ZHX3: variants seen among roughly 807,000 people sequenced by gnomAD.
ZHX3 encodes zinc fingers and homeoboxes protein 3.
Under a neutral mutation model 64.5 loss-of-function variants are expected in ZHX3, and 20 were observed. The observed-to-expected ratio is 0.31, with a 90% confidence interval of 0.22 to 0.45. The LOEUF is 0.45. Ranked by LOEUF, ZHX3 falls within the 20% of genes least tolerant of loss-of-function variation. ZHX3 has a pLI of 1.00. For missense variants in ZHX3, 1,041 were observed against 1,195.8 expected (o/e 0.87, Z 1.91); for synonymous variants, 423 against 461.6 (o/e 0.92, Z 1.07).
chr20:41,281,746 T>G (rs543268596), intron 1 of ZHX3, among the ~76,000 whole-genome samples: 41 of 152,212 alleles, frequency 2.7e-4, no homozygotes, highest in African/African-American at 9.7e-4. Context: ...ATGTCACATA[T>G]CACCTTGCAA....
rs1352342886 is a variant in ZHX3 at position 41,181,522 on chromosome 20, G to A, written c.*3669C>T. Reference sequence around the variant, plus strand: ...TGAACTGAAAAAGCTGCACCAATCTGAGGATATTGGTCCAAAAAGAGACAA... The same window carrying A: ...TGAACTGAAAAAGCTGCACCAATCTAAGGATATTGGTCCAAAAAGAGACAA... On this transcript the variant is annotated 3_prime_UTR_variant, in exon 4 of 4. Transcript: ENST00000683867. 1 of 152,148 alleles carries A rather than the reference G, an allele frequency of 6.6e-6. No individual in the cohort carries two copies. Among genetic ancestry groups the A allele is most frequent in the South Asian group, 2.1e-4 (1 of 4,828 alleles). The allele number at this position is 152,148 out of a possible 1,614,324, so 9.4% of individuals were successfully genotyped here. A position where few individuals can be genotyped will look rare whatever the true frequency, so the allele number is the denominator to read the frequency against.
Position 41,310,417 on chromosome 20 carries a change from T to C in ZHX3, c.-245+7092A>G, listed in dbSNP as rs976534469. Among the ~76,000 whole-genome samples, 4 of 152,174 alleles carry C rather than the reference T, an allele frequency of 2.6e-5. No homozygotes were observed. In the South Asian group the frequency reaches 8.3e-4, roughly 32 times the overall value. ...ACAGAGATGATAACCACCACCAGAC[T>C]TGGCACTTGCTCATAAGGCATCCCA... On this transcript the variant is annotated intron_variant, in intron 1 of 3. Transcript: ENST00000683867.
chr20:41,183,923 G>A lies in ZHX3; in HGVS notation c.*1268C>T, dbSNP rs2036334204. The A allele has an allele frequency of 6.6e-6, 1 of 152,240 alleles. No individual in the cohort carries two copies. The highest frequency in any genetic ancestry group is 1.5e-5 in the Non-Finnish European group (1 of 68,054). The allele number at this position is 152,240 out of a possible 1,614,324, so 9.4% of individuals were successfully genotyped here. Reference sequence around the variant, plus strand: ...GACATGAGGGTTAGGCTAAAGTAGAGTTCTTGTTTCCAAGTTTGGGGACAT... The same window carrying A: ...GACATGAGGGTTAGGCTAAAGTAGAATTCTTGTTTCCAAGTTTGGGGACAT... On this transcript the variant is annotated 3_prime_UTR_variant, in exon 4 of 4. Coordinates refer to ENST00000683867, the MANE Select transcript of ZHX3 (RefSeq NM_001384317.1). The surrounding 1 kb of genome is among the most constrained non-coding windows in gnomAD (Gnocchi z 5.3).
At position 41,212,213 on chromosome 20, in the gene ZHX3, G is replaced by A. The variant is rs1425436575; in HGVS notation, c.-150-7147C>T. On this transcript the variant is annotated intron_variant, in intron 2 of 3. Coordinates refer to ENST00000683867, the MANE Select transcript of ZHX3 (RefSeq NM_001384317.1). This position sits in a 1 kb window ranked among gnomAD's most constrained non-coding sequence, Gnocchi z 4.3. ...AACCATAGAAAGATAATTTTTAAAC[G>A]GGTAAAGGATTTGAATAGACACTTC... 6.6e-6 allele frequency among the ~76,000 whole-genome samples: 1 copy of A among 151,986 alleles called. No homozygotes were observed. The highest frequency in any genetic ancestry group is 2.1e-4 in the South Asian group (1 of 4,806).
chr20:41,294,130 G>A (rs2044384362), intron 1 of ZHX3, among the ~76,000 whole-genome samples: 1 of 152,218 alleles, frequency 6.6e-6, no homozygotes. Flanking sequence ...CTCCCAGGGA[G>A]TAGTAGCTCA....
intron 1 of ZHX3, among the ~76,000 whole-genome samples, chr20:41,302,576 C>G (rs2044855621): frequency 6.6e-6 from 1 of 152,236 alleles, no homozygotes; most frequent in Non-Finnish European, 1.5e-5. Flanking sequence ...CAAATAAACA[C>G]CCACACACAC....
chr20:41,289,744 C>T (rs538870199), intron 1 of ZHX3, among the ~76,000 whole-genome samples: 130 of 148,012 alleles, frequency 8.8e-4, no homozygotes, highest in African/African-American at 3.2e-3. Flanking sequence ...AGCTCTCTGG[C>T]CCCTAGATTA....
chr20:41,229,774 G>T (rs1260755876), intron 2 of ZHX3, among the ~76,000 whole-genome samples: 1 of 151,850 alleles, frequency 6.6e-6, no homozygotes, highest in African/African-American at 2.4e-5. Context: ...GTTTTTGTTG[G>T]GTTGTAGAAA....
intron 2 of ZHX3, chr20:41,213,925 A>C (rs549561167): frequency 7.2e-5 from 11 of 152,304 alleles, no homozygotes; most frequent in Admixed American, 5.2e-4. Flanking sequence ...ATTGTAAAAA[A>C]TTAGTCAGGA....
intron 3 of ZHX3, among the ~76,000 whole-genome samples, chr20:41,198,152 CA>C (rs1204784847): frequency 6.6e-6 from 1 of 151,934 alleles, no homozygotes; most frequent in African/African-American, 2.4e-5. Flanking sequence ...TTAGCACCAC[CA>C]GGCCCAGCTA....
intron 2 of ZHX3, among the ~76,000 whole-genome samples, chr20:41,252,409 G>A (rs1350319533): frequency 6.6e-6 from 1 of 152,160 alleles, no homozygotes; most frequent in Non-Finnish European, 1.5e-5. Context: ...GCTAGTTCCT[G>A]TGTTTTCTTA....
rs2040299838 is a variant in ZHX3, at chr20:41,226,782, A to G, written c.-150-21716T>C. Among the ~76,000 whole-genome samples, 1 of 152,166 alleles carries G rather than the reference A, an allele frequency of 6.6e-6. No individual in the cohort carries two copies. Among genetic ancestry groups the G allele is most frequent in the African/African-American group, 2.4e-5 (1 of 41,440 alleles). ...TTGTCCAAAAGGGAAGGAAGCTATT[A>G]TACCTTTCCTATCCCTTTCTGTTGG... is the stretch of plus-strand genomic sequence containing the variant. On this transcript the variant is annotated intron_variant, in intron 2 of 3. Transcript: ENST00000683867. This position sits in a 1 kb window ranked among gnomAD's most constrained non-coding sequence, Gnocchi z 4.4.
rs558647755 is a variant in ZHX3 at position 41,212,456 on chromosome 20, T to C, written c.-150-7390A>G. Among the ~76,000 whole-genome samples, 10 of 152,246 alleles carry C rather than the reference T, an allele frequency of 6.6e-5. No individual in the cohort carries two copies. The South Asian group carries it at 2.1e-3, about 32-fold the overall frequency. On this transcript the variant is annotated intron_variant, in intron 2 of 3. Transcript: ENST00000683867. This position sits in a 1 kb window ranked among gnomAD's most constrained non-coding sequence, Gnocchi z 4.3. ...AAAATGTAAAATGGTATAGCCACTT[T>C]GGAAAACTGTTTGGCAAACAAAATG...
chr20:41,268,260 A>G (rs1391010155), intron 2 of ZHX3, among the ~76,000 whole-genome samples: 1 of 152,194 alleles, frequency 6.6e-6, no homozygotes, highest in Non-Finnish European at 1.5e-5. Flanking sequence ...AGCTTACTGG[A>G]CAAAGTTTCT....
At chr20:41,193,142 C>A (rs1361648078) in intron 3 of ZHX3, among the ~76,000 whole-genome samples, 4 of 152,142 alleles carry the variant, frequency 2.6e-5, no homozygotes, top group East Asian at 1.9e-4. Flanking sequence ...GAGGCGAGTA[C>A]AAAATGCCTC....
Position 41,228,998 on chromosome 20 carries a change from C to T in ZHX3, c.-150-23932G>A, listed in dbSNP as rs564759829. Among the ~76,000 whole-genome samples the T allele has an allele frequency of 1.3e-5, 2 of 152,276 alleles. No homozygotes were observed. Among genetic ancestry groups the T allele is most frequent in the South Asian group, 4.2e-4 (2 of 4,818 alleles). On this transcript the variant is annotated intron_variant, in intron 2 of 3. Coordinates refer to ENST00000683867, the MANE Select transcript of ZHX3 (RefSeq NM_001384317.1). This position sits in a 1 kb window ranked among gnomAD's most constrained non-coding sequence, Gnocchi z 4.6. ...CACAGTCACATTGTTGTACAACCATCATCACCATCTGCCTCCAGAACTCTT... is the reference window on the plus strand; with the variant it reads ...CACAGTCACATTGTTGTACAACCATTATCACCATCTGCCTCCAGAACTCTT...
chr20:41,305,701 G>A (rs1412108974), intron 1 of ZHX3, among the ~76,000 whole-genome samples: 1 of 151,502 alleles, frequency 6.6e-6, no homozygotes, highest in African/African-American at 2.4e-5. Flanking sequence ...GGAGAATAGT[G>A]TGAACCCGGG....
intron 1 of ZHX3, among the ~76,000 whole-genome samples, chr20:41,310,465 G>C (rs2045098116): frequency 6.6e-6 from 1 of 152,128 alleles, no homozygotes; most frequent in African/African-American, 2.4e-5. Context: ...ACTGTGCCCA[G>C]ATATTCCAAC....
intron 1 of ZHX3, among the ~76,000 whole-genome samples, chr20:41,270,979 C>G (rs1276293092): frequency 6.6e-6 from 1 of 152,160 alleles, no homozygotes; most frequent in African/African-American, 2.4e-5. Flanking sequence ...GAGTTCAAGA[C>G]CAACCTGGGC....
Sources: gnomAD v4.1 joint callset for allele counts (sites outside exome capture counted in the v4.1 genomes callset) on GRCh38, gnomAD v4.1.1 for gene constraint, Gnocchi (gnomAD v3.1) non-coding constraint, MANE v1.5 for transcripts, NCBI Gene and HGNC (gene_info 2026-07-23, HGNC 2026-07-21) for gene names.